The following AKR1B15 variants were observed in gnomAD, a reference collection of about 807,000 sequenced individuals.
AKR1B15 encodes the protein aldo-keto reductase family 1 member B15, also known as estradiol 17-beta-dehydrogenase AKR1B15.
AKR1B15 carries 49 observed loss-of-function variants against 38.5 expected under a neutral mutation model. That is an observed-to-expected ratio of 1.27 (90% CI 1.01 to 1.62). AKR1B15 has a LOEUF of 1.62. Ranked by LOEUF, AKR1B15 falls within the 40% of genes most tolerant of loss-of-function variation. AKR1B15 has a pLI of 0.00. For missense variants in AKR1B15, 411 were observed against 381.6 expected, an observed-to-expected ratio of 1.08 and a Z score of -0.64; for synonymous variants, 137 against 135.5, an observed-to-expected ratio of 1.01 and a Z score of -0.08.
chr7:134,575,971 A>T (rs1462357771), intron 8 of AKR1B15, 44 bp downstream of exon 8: 2 of 1,599,206 alleles, frequency 1.3e-6, no homozygotes, highest in Non-Finnish European at 1.7e-6. Context: ...TAATCTTAAA[A>T]ACATTATTTT....
At chr7:134,560,286 G>A (rs1368241776) in intron 2 of AKR1B15, among the ~76,000 whole-genome samples, 7 of 152,108 alleles carry the variant, frequency 4.6e-5, no homozygotes, top group Non-Finnish European at 1.5e-5. Context: ...TGCTACCTAT[G>A]AACAAGCCCA....
intron 2 of AKR1B15, among the ~76,000 whole-genome samples, chr7:134,557,355 C>G (rs547724602): frequency 8.3e-4 from 127 of 152,210 alleles, no homozygotes; most frequent in Non-Finnish European, 1.5e-3. Flanking sequence ...TCTGATTCCC[C>G]CAAACACGAG....
Position 134,579,078 on chromosome 7 carries a change from G to A in AKR1B15, c.993-429G>A, listed in dbSNP as rs113212839. Among the ~76,000 whole-genome samples, 1,408 of 152,226 alleles carry A rather than the reference G, an allele frequency of 9.2e-3. 24 individuals carry two copies. The highest frequency in any genetic ancestry group is 0.032 in the African/African-American group (1,347 of 41,520). Reference sequence around the variant, plus strand: ...ATAAAGTAGGATGATAATACTAATCGCAGCTAACATCCATTGAACCTTAGC... The same window carrying A: ...ATAAAGTAGGATGATAATACTAATCACAGCTAACATCCATTGAACCTTAGC... On this transcript the variant is annotated intron_variant, in intron 11 of 11. Transcript: ENST00000457545.
At chr7:134,577,505 C>G (rs991572302) in intron 10 of AKR1B15, among the ~76,000 whole-genome samples, 199 bp from the exon 11 acceptor site, 1 of 152,194 alleles carries the variant, frequency 6.6e-6, no homozygotes, top group African/African-American at 2.4e-5. Context: ...CCCCAGAACA[C>G]TGAGCACTAC....
At chr7:134,568,676 C>T (rs563731195) in intron 4 of AKR1B15, among the ~76,000 whole-genome samples, 16 of 152,212 alleles carry the variant, frequency 1.1e-4, no homozygotes, top group African/African-American at 3.1e-4. Context: ...GTGGTCTCAG[C>T]GACTGTGCCC....
chr7:134,560,418 T>C (rs796750179), intron 2 of AKR1B15, among the ~76,000 whole-genome samples: 52 of 152,244 alleles, frequency 3.4e-4, no homozygotes, highest in African/African-American at 1.1e-3. Context: ...GGTTCTGAGA[T>C]CGGCTTATCA....
intron 2 of AKR1B15, among the ~76,000 whole-genome samples, chr7:134,559,857 C>T (rs1794330023): frequency 6.6e-6 from 1 of 152,140 alleles, no homozygotes; most frequent in African/African-American, 2.4e-5. Context: ...CGCCTGTAAT[C>T]CCAGCACTTT....
intron 1 of AKR1B15, among the ~76,000 whole-genome samples, chr7:134,551,586 C>T (rs1262423544): frequency 5.9e-5 from 9 of 152,204 alleles, no homozygotes; most frequent in East Asian, 3.9e-4. Flanking sequence ...TTTCGACAAT[C>T]GAGAATTTGA....
Position 134,579,663 on chromosome 7 carries a change from T to C in AKR1B15, c.*114T>C. On this transcript the variant is annotated 3_prime_UTR_variant, in exon 12 of 12. Transcript: ENST00000457545. ...TTATCTGAGATCACAGTGAACTTTG[T>C]CCTGTTGTAGACCAGAATGGAGGTG... 1 of 993,940 alleles carries C rather than the reference T, an allele frequency of 1.0e-6. No homozygotes were observed. Among genetic ancestry groups the C allele is most frequent in the Non-Finnish European group, 1.5e-6 (1 of 683,070 alleles). The allele number at this position is 993,940 out of a possible 1,614,324, so 61.6% of individuals were successfully genotyped here.
intron 1 of AKR1B15, among the ~76,000 whole-genome samples, chr7:134,556,487 G>C (rs1448880522): frequency 6.6e-6 from 1 of 152,136 alleles, no homozygotes; most frequent in South Asian, 2.1e-4. Flanking sequence ...TTAGCGCAAG[G>C]TATAACTTAC....
chr7:134,568,210 A>G lies in AKR1B15; in HGVS notation c.203A>G (p.Tyr68Cys), dbSNP rs750221215. 2 of 1,614,134 alleles carry G rather than the reference A, an allele frequency of 1.2e-6. No individual in the cohort carries two copies. Among genetic ancestry groups the G allele is most frequent in the African/African-American group, 1.3e-5 (1 of 75,060 alleles). ...EAVKVAIDAE[Y>C]RHIDCAYFYE... ...GTGAAGGTGGCCATTGATGCAGAATATCGCCACATTGACTGTGCCTATTTC... is the reference window on the plus strand; with the variant it reads ...GTGAAGGTGGCCATTGATGCAGAATGTCGCCACATTGACTGTGCCTATTTC... Residue 68 changes from tyrosine to cysteine, a missense_variant, in exon 4 of 12, where the codon TAT becomes TGT. By Grantham distance (194) the Tyr-to-Cys change is radical. This residue lies in a region of AKR1B15 where 254 missense variants were observed against 212.4 expected (regional missense o/e 1.20). Coordinates refer to ENST00000457545, the MANE Select transcript of AKR1B15 (RefSeq NM_001080538.3).
At chr7:134,568,708 T>C (rs559680089) in intron 4 of AKR1B15, among the ~76,000 whole-genome samples, 10 of 152,182 alleles carry the variant, frequency 6.6e-5, no homozygotes, top group African/African-American at 2.4e-4. Flanking sequence ...AGCCAGGGGG[T>C]ATTTTGGAAA....
chr7:134,577,663 A>G (rs770131830), intron 10 of AKR1B15, 41 bp from the exon 11 acceptor site: 1 of 1,600,672 alleles, frequency 6.2e-7, no homozygotes, highest in South Asian at 1.1e-5. Flanking sequence ...CACAGCAGTA[A>G]CAGCCTTACC....
chr7:134,578,136 G>A (rs555764525), intron 11 of AKR1B15, among the ~76,000 whole-genome samples: 1 of 152,270 alleles, frequency 6.6e-6, no homozygotes, highest in South Asian at 2.1e-4. Context: ...GTACAAAGCT[G>A]CTGCCTCCAC....
chr7:134,549,790 T>C (rs10271160), intron 1 of AKR1B15, among the ~76,000 whole-genome samples: 15,557 of 152,204 alleles, frequency 0.1, 1,052 homozygotes, highest in East Asian at 0.31. Context: ...CCAGTGCCTA[T>C]TGTCCTGTTT....
In AKR1B15 at chr7:134,564,671, G is replaced by A. The variant is rs1195007814; in HGVS notation, c.52G>A (p.Gly18Arg). 4.3e-6 allele frequency: 3 copies of A among 698,824 alleles called. No individual in the cohort carries two copies. The highest frequency in any genetic ancestry group is 1.8e-5 in the African/African-American group (1 of 57,138). 43.3% of individuals were successfully genotyped at this position (698,824 alleles called of 1,614,324 possible). ...GAACTCAACTAACAACTTCCACCAA[G>A]GACCCCTGGACCAACCCGTTGGCCC... Reference protein sequence around the residue: ...QVNSTNNFHQGPLDQPVGPLT... With the variant: ...QVNSTNNFHQRPLDQPVGPLT... The change falls in exon 3 of 12, where the codon GGA becomes AGA. Residue 18 changes from glycine to arginine, a missense_variant. Gly to Arg is a moderately radical substitution (Grantham distance 125). Around this residue, in one of 3 missense-constraint regions of AKR1B15, gnomAD observed 254 missense variants for 212.4 expected, o/e 1.20. Transcript: ENST00000457545.
At chr7:134,567,967 G>T (rs374389797) in intron 3 of AKR1B15, among the ~76,000 whole-genome samples, 191 bp from the exon 4 acceptor site, 3 of 152,130 alleles carry the variant, frequency 2.0e-5, no homozygotes, top group Non-Finnish European at 4.4e-5. Flanking sequence ...AAACTGGACC[G>T]TGTGGGGCAG....
At position 134,576,539 on chromosome 7, in the gene AKR1B15, C is replaced by G; in HGVS notation, c.825+109C>G. On this transcript the variant is annotated intron_variant, in intron 9 of 11. Coordinates refer to ENST00000457545, the MANE Select transcript of AKR1B15 (RefSeq NM_001080538.3). Reference sequence around the variant, plus strand: ...TCCTTAAAGGGGAAGAACACAGGAGCTGAAGCCCTCTAAAGTATTTCCTTT... The same window carrying G: ...TCCTTAAAGGGGAAGAACACAGGAGGTGAAGCCCTCTAAAGTATTTCCTTT... The G allele has an allele frequency of 2.3e-6, 3 of 1,288,548 alleles. No homozygotes were observed. The South Asian group carries it at 4.0e-5, about 17-fold the overall frequency. 79.8% of individuals were successfully genotyped at this position (1,288,548 alleles called of 1,614,324 possible).
chr7:134,553,437 T>C (rs1450891264), intron 1 of AKR1B15, among the ~76,000 whole-genome samples: 1 of 152,184 alleles, frequency 6.6e-6, no homozygotes. Context: ...TTTAGGGCCA[T>C]GGCAACACCC....
Sources: gnomAD v4.1 joint callset for allele counts (sites outside exome capture counted in the v4.1 genomes callset) on GRCh38, gnomAD v4.1.1 for gene constraint, gnomAD v4.1.1 regional missense constraint, MANE v1.5 for transcripts, NCBI Gene and HGNC (gene_info 2026-07-23, HGNC 2026-07-21) for gene names.